RAB3B: variants seen among roughly 807,000 people sequenced by gnomAD.
RAB3B encodes the protein RAB3B, member RAS oncogene family.
Under a neutral mutation model 20.5 loss-of-function variants are expected in RAB3B, and 11 were observed. That is an observed-to-expected ratio of 0.54 (90% CI 0.34 to 0.89). The LOEUF is 0.89. Among genes scored for constraint, RAB3B ranks in the 40% least tolerant of loss-of-function variants. The pLI, the probability that RAB3B is intolerant of heterozygous loss-of-function variation, is 0.02. For missense variants in RAB3B, 225 were observed against 280.9 expected (o/e 0.80, Z 1.42); for synonymous variants, 99 against 106.3 (o/e 0.93, Z 0.42).
intron 1 of RAB3B, among the ~76,000 whole-genome samples, chr1:51,989,004 C>T (rs758747620): frequency 3.3e-5 from 5 of 151,460 alleles, no homozygotes; most frequent in Non-Finnish European, 7.4e-5. Flanking sequence ...TCCCACAGGG[C>T]ACCAGGGCTT....
At position 51,911,241 on chromosome 1, in the gene RAB3B, C is replaced by T. The variant is rs1200497915; in HGVS notation, c.*8686G>A. ...CATCAGTGTCCATGGAGAACTGCTT[C>T]TCACCTTGAGAAATCCCTCTTCTTC... is the stretch of plus-strand genomic sequence containing the variant. On this transcript the variant is annotated 3_prime_UTR_variant, in exon 5 of 5. Transcript: ENST00000371655. 1.3e-5 allele frequency: 2 copies of T among 152,178 alleles called. No individual in the cohort carries two copies. Among genetic ancestry groups the T allele is most frequent in the Non-Finnish European group, 2.9e-5 (2 of 68,052 alleles). 9.4% of individuals were successfully genotyped at this position (152,178 alleles called of 1,614,324 possible).
intron 4 of RAB3B, among the ~76,000 whole-genome samples, chr1:51,928,985 C>A (rs1003350479): frequency 6.6e-6 from 1 of 152,210 alleles, no homozygotes; most frequent in African/African-American, 2.4e-5. Flanking sequence ...ATGTTAACTT[C>A]TATCTGCCCC....
intron 2 of RAB3B, among the ~76,000 whole-genome samples, chr1:51,938,701 G>C (rs1475349731): frequency 6.7e-6 from 1 of 148,862 alleles, no homozygotes. Flanking sequence ...TTTGAGACAG[G>C]GTCTCACTGT....
chr1:51,931,590 T>C (rs1684324420), intron 4 of RAB3B, among the ~76,000 whole-genome samples: 1 of 152,156 alleles, frequency 6.6e-6, no homozygotes, highest in South Asian at 2.1e-4. Flanking sequence ...GGCCATATGC[T>C]AGGCACAGTA....
chr1:51,959,298 T>C (rs779370927), intron 2 of RAB3B, among the ~76,000 whole-genome samples: 3 of 151,948 alleles, frequency 2.0e-5, no homozygotes, highest in Non-Finnish European at 2.9e-5. Flanking sequence ...GGCAGGAGGA[T>C]CACTTGAGCC....
chr1:51,924,376 G>A (rs549433192), intron 4 of RAB3B, among the ~76,000 whole-genome samples: 23 of 152,284 alleles, frequency 1.5e-4, no homozygotes, highest in South Asian at 4.1e-4. Context: ...GACCAGGGAC[G>A]GTTTCTTGGA....
intron 2 of RAB3B, among the ~76,000 whole-genome samples, chr1:51,959,456 G>A (rs1249574915): frequency 6.6e-6 from 1 of 152,144 alleles, no homozygotes; most frequent in African/African-American, 2.4e-5. Context: ...AGGCTGCAGT[G>A]AGCCATGTTC....
At chr1:51,954,276 C>T (rs1684678006) in intron 2 of RAB3B, among the ~76,000 whole-genome samples, 2 of 152,244 alleles carry the variant, frequency 1.3e-5, no homozygotes, top group East Asian at 3.9e-4. Flanking sequence ...GATTTTCTAA[C>T]AATGTTAGCT....
chr1:51,920,669 C>T (rs1486237720), intron 4 of RAB3B, among the ~76,000 whole-genome samples: 1 of 152,178 alleles, frequency 6.6e-6, no homozygotes, highest in Admixed American at 6.5e-5. Context: ...CAGAAGTAAG[C>T]TAGCTTGCCC....
At chr1:51,941,059 T>C (rs1684486662) in intron 2 of RAB3B, among the ~76,000 whole-genome samples, 1 of 152,090 alleles carries the variant, frequency 6.6e-6, no homozygotes, top group South Asian at 2.1e-4. Flanking sequence ...ATGATTCCCA[T>C]GGGTGGAATC....
intron 2 of RAB3B, among the ~76,000 whole-genome samples, chr1:51,974,320 C>G (rs1684979356): frequency 6.6e-6 from 1 of 152,176 alleles, no homozygotes; most frequent in Non-Finnish European, 1.5e-5. Flanking sequence ...AGTGGTTCTA[C>G]AATGTTAGCC....
intron 4 of RAB3B, among the ~76,000 whole-genome samples, chr1:51,928,169 C>T (rs1489303688): frequency 6.6e-6 from 1 of 152,084 alleles, no homozygotes; most frequent in African/African-American, 2.4e-5. Flanking sequence ...TGCAATGGTG[C>T]GATCTCTGCT....
chr1:51,933,672 CA>C (rs1684358212), intron 3 of RAB3B, among the ~76,000 whole-genome samples: 1 of 152,130 alleles, frequency 6.6e-6, no homozygotes, highest in Non-Finnish European at 1.5e-5. Context: ...GAGGATACAA[CA>C]AGAAGCTGGC....
intron 1 of RAB3B, among the ~76,000 whole-genome samples, chr1:51,989,732 C>A (rs759175346): frequency 7.2e-5 from 11 of 151,846 alleles, no homozygotes; most frequent in Non-Finnish European, 1.6e-4. Flanking sequence ...TCCCTGCCCC[C>A]TTCCTCTGCA....
At position 51,971,789 on chromosome 1, in the gene RAB3B, T is replaced by C. The variant is rs537702043; in HGVS notation, c.228+5101A>G. Among the ~76,000 whole-genome samples, 18 of 152,316 alleles carry C rather than the reference T, an allele frequency of 1.2e-4. No individual in the cohort carries two copies. The South Asian group carries it at 3.3e-3, about 28-fold the overall frequency. ...GGCTACTGAGTGGCTAATGGGCAGA[T>C]AGCAAATACAGCACGGATATGCTGG... On this transcript the variant is annotated intron_variant, in intron 2 of 4. Transcript: ENST00000371655.
chr1:51,930,876 G>T (rs905346559), intron 4 of RAB3B, among the ~76,000 whole-genome samples: 26 of 151,956 alleles, frequency 1.7e-4, no homozygotes, highest in African/African-American at 5.8e-4. Flanking sequence ...AATTAGCCAG[G>T]CATGGTGGTG....
chr1:51,935,924 GGAAT>G (rs1280950885), intron 3 of RAB3B, among the ~76,000 whole-genome samples: 2 of 152,162 alleles, frequency 1.3e-5, no homozygotes, highest in Non-Finnish European at 2.9e-5. Flanking sequence ...CAGACCCCCA[GGAAT>G]GACAGACATG....
chr1:51,975,343 A>T (rs576189961), intron 2 of RAB3B, among the ~76,000 whole-genome samples: 89 of 152,348 alleles, frequency 5.8e-4, no homozygotes, highest in African/African-American at 2.0e-3. Flanking sequence ...ATATCATCTA[A>T]AATATGTGCA....
At chr1:51,974,973 G>A (rs1412039646) in intron 2 of RAB3B, among the ~76,000 whole-genome samples, 1 of 152,194 alleles carries the variant, frequency 6.6e-6, no homozygotes, top group Non-Finnish European at 1.5e-5. Flanking sequence ...CAGCACTTTG[G>A]GAAACCAACA....
Sources: gnomAD v4.1 joint callset for allele counts (sites outside exome capture counted in the v4.1 genomes callset) on GRCh38, gnomAD v4.1.1 for gene constraint, MANE v1.5 for transcripts, NCBI Gene and HGNC (gene_info 2026-07-23, HGNC 2026-07-21) for gene names.